The following STX17 variants were observed in gnomAD, a reference collection of about 807,000 sequenced individuals.
STX17 encodes the protein syntaxin-17.
Under a neutral mutation model 35.9 loss-of-function variants are expected in STX17, and 29 were observed. The ratio of observed to expected loss-of-function variants is 0.81; its 90% CI spans 0.60 to 1.10. STX17 has a LOEUF of 1.10. Among genes scored for constraint, STX17 ranks in the 50% least tolerant of loss-of-function variants. The pLI is 0.00. For synonymous variants in STX17, 92 were observed against 118.3 expected, an observed-to-expected ratio of 0.78 and a Z score of 1.44; for missense variants, 312 against 352.3, an observed-to-expected ratio of 0.89 and a Z score of 0.92.
chr9:99,974,044 G>A lies in STX17; in HGVS notation c.*5371G>A, dbSNP rs1479341806. Among the ~76,000 whole-genome samples, 2 of 152,112 alleles carry A rather than the reference G, an allele frequency of 1.3e-5. No homozygotes were observed. The highest frequency in any genetic ancestry group is 4.8e-5 in the African/African-American group (2 of 41,428). On this transcript the variant is annotated 3_prime_UTR_variant, in exon 8 of 8. Transcript: ENST00000259400. ...CTGGGGGTTATTTAAGCTCTTGGAC[G>A]AGCCTAAAACTTGTATCCTGAAGAA...
chr9:99,928,643 A>G (rs1829038516), intron 2 of STX17, 135 bp from the exon 3 acceptor site: 1 of 538,560 alleles, frequency 1.9e-6, no homozygotes, highest in Non-Finnish European at 3.2e-6. Context: ...TGGAAAGTTA[A>G]TTACCACTAC....
chr9:99,972,993 T>C lies in STX17; in HGVS notation c.*4320T>C, dbSNP rs1469917973. Among the ~76,000 whole-genome samples the C allele has an allele frequency of 1.3e-5, 2 of 152,166 alleles. No homozygotes were observed. The highest frequency in any genetic ancestry group is 2.9e-5 in the Non-Finnish European group (2 of 68,034). ...GGGGAGTTTCTCTTCTAGCCTAAAT[T>C]AATATTAAAAGTTCAGGGGTATTTT... On this transcript the variant is annotated 3_prime_UTR_variant, in exon 8 of 8. Transcript: ENST00000259400.
At chr9:99,925,939 T>A (rs1828977320) in intron 2 of STX17, among the ~76,000 whole-genome samples, 2 of 152,032 alleles carry the variant, frequency 1.3e-5, no homozygotes. Flanking sequence ...TTTTCTCTCA[T>A]GGAGTCCAGT....
intron 3 of STX17, among the ~76,000 whole-genome samples, chr9:99,944,646 C>T (rs1201328559): frequency 2.6e-5 from 4 of 151,906 alleles, no homozygotes; most frequent in Non-Finnish European, 4.4e-5. Flanking sequence ...TCCCGAGTAG[C>T]TGGGATTACA....
intron 1 of STX17, chr9:99,907,278 G>C (rs1007066893): frequency 6.6e-6 from 1 of 152,190 alleles, no homozygotes; most frequent in Non-Finnish European, 1.5e-5. Flanking sequence ...ACTTTACTTT[G>C]ACTTTTCTCT....
At chr9:99,952,369 GT>G (rs1829618992) in intron 4 of STX17, among the ~76,000 whole-genome samples, 2 of 152,150 alleles carry the variant, frequency 1.3e-5, no homozygotes, top group African/African-American at 4.8e-5. Context: ...TCATTAAAAA[GT>G]CAGGAAACAA....
At chr9:99,953,579 TTA>T (rs1266531963) in intron 4 of STX17, among the ~76,000 whole-genome samples, 1 of 152,064 alleles carries the variant, frequency 6.6e-6, no homozygotes, top group Non-Finnish European at 1.5e-5. Flanking sequence ...AACTGATGCT[TTA>T]TGTGCACATG....
At chr9:99,945,700 C>T (rs1381124734) in intron 3 of STX17, 1 of 371,886 alleles carries the variant, frequency 2.7e-6, no homozygotes, top group South Asian at 2.0e-5. Flanking sequence ...TTTAATTTAT[C>T]TAATTTTTTC....
intron 2 of STX17, among the ~76,000 whole-genome samples, chr9:99,919,032 G>C (rs1564058834): frequency 6.6e-6 from 1 of 152,074 alleles, no homozygotes; most frequent in Non-Finnish European, 1.5e-5. Flanking sequence ...TTGTGGTGTG[G>C]TAACTGATCC....
chr9:99,927,898 G>A (rs4282626), intron 2 of STX17, among the ~76,000 whole-genome samples: 104,813 of 152,104 alleles, frequency 0.69, 36,385 homozygotes, highest in African/African-American at 0.72. Context: ...TGTGCAGAAC[G>A]AGGAATATAA....
At chr9:99,929,895 ATTTC>A (rs1197916288) in intron 3 of STX17, 1 of 123,130 alleles carries the variant, frequency 8.1e-6, no homozygotes, top group East Asian at 2.3e-4. Context: ...TGTCAGTAAT[ATTTC>A]TTTTTCTTTT....
intron 2 of STX17, among the ~76,000 whole-genome samples, chr9:99,923,678 A>G (rs1260002704): frequency 1.3e-5 from 2 of 152,138 alleles, no homozygotes; most frequent in East Asian, 3.9e-4. Context: ...GTCAAGTCCC[A>G]CAAGACCACA....
chr9:99,941,278 C>G lies in STX17; in HGVS notation c.190-9782C>G, dbSNP rs910426779. On this transcript the variant is annotated intron_variant, in intron 3 of 7. Coordinates refer to ENST00000259400, the MANE Select transcript of STX17 (RefSeq NM_017919.3). ...GGATATATGACAAAGAAATTAGACA[C>G]AATCCCCGTTCTTAGAAACTTTACA... Among the ~76,000 whole-genome samples the G allele has an allele frequency of 4.6e-5, 7 of 152,138 alleles. No homozygotes were observed. The South Asian group carries it at 1.5e-3, about 32-fold the overall frequency.
At chr9:99,940,155 A>C (rs1829320833) in intron 3 of STX17, among the ~76,000 whole-genome samples, 1 of 152,094 alleles carries the variant, frequency 6.6e-6, no homozygotes, top group African/African-American at 2.4e-5. Flanking sequence ...TTTGAGAGGC[A>C]GTCTCGCTCT....
intron 6 of STX17, among the ~76,000 whole-genome samples, chr9:99,961,968 C>T (rs544306666): frequency 2.0e-5 from 3 of 152,154 alleles, no homozygotes; most frequent in Middle Eastern, 3.4e-3. Context: ...GCATTTTTGG[C>T]CTCTAAAGCT....
chr9:99,942,202 T>G (rs997296601), intron 3 of STX17, among the ~76,000 whole-genome samples: 2 of 152,352 alleles, frequency 1.3e-5, no homozygotes, highest in Admixed American at 6.5e-5. Context: ...TAATTTACAT[T>G]TACCTGATTA....
In STX17 at chr9:99,961,489, T is replaced by G. The variant is rs377400457; in HGVS notation, c.582+1334T>G. Among the ~76,000 whole-genome samples the G allele has an allele frequency of 4.1e-4, 63 of 152,318 alleles. No homozygotes were observed. In the South Asian group the frequency reaches 0.013, roughly 31 times the overall value. Reference sequence around the variant, plus strand: ...TTAACATAGATTAGGAAGCACAAAGTCAATTTGTTGGGAAAGATAGATTTT... The same window carrying G: ...TTAACATAGATTAGGAAGCACAAAGGCAATTTGTTGGGAAAGATAGATTTT... On this transcript the variant is annotated intron_variant, in intron 6 of 7. Coordinates refer to ENST00000259400, the MANE Select transcript of STX17 (RefSeq NM_017919.3).
intron 3 of STX17, among the ~76,000 whole-genome samples, chr9:99,946,990 G>T (rs2118464238): frequency 6.6e-6 from 1 of 151,890 alleles, no homozygotes; most frequent in East Asian, 1.9e-4. Flanking sequence ...AATTGTGGAT[G>T]GATGTTTTTC....
intron 3 of STX17, among the ~76,000 whole-genome samples, chr9:99,938,531 T>C (rs913423917): frequency 6.6e-6 from 1 of 152,204 alleles, no homozygotes; most frequent in Non-Finnish European, 1.5e-5. Flanking sequence ...ACGCCTATAA[T>C]GCTAACATTT....
Sources: allele counts gnomAD v4.1 joint callset (sites outside exome capture counted in the v4.1 genomes callset), GRCh38; gene constraint gnomAD v4.1.1; transcripts MANE v1.5; gene names NCBI Gene and HGNC (gene_info 2026-07-23, HGNC 2026-07-21).